RNF150: variants seen among roughly 807,000 people sequenced by gnomAD.
RNF150 encodes the protein ring finger protein 150.
Under a neutral mutation model 39.3 loss-of-function variants are expected in RNF150, and 24 were observed. The observed-to-expected ratio is 0.61, with a 90% CI of 0.44 to 0.86. The LOEUF is 0.86. RNF150 is among the 40% of genes least tolerant of loss of function. RNF150 has a pLI of 0.00. For synonymous variants in RNF150, 255 were observed against 227.3 expected, an observed-to-expected ratio of 1.12 and a Z score of -1.10; for missense variants, 502 against 587.8, an observed-to-expected ratio of 0.85 and a Z score of 1.51.
intron 1 of RNF150, among the ~76,000 whole-genome samples, chr4:141,079,409 T>G (rs901299019): frequency 1.3e-5 from 2 of 152,216 alleles, no homozygotes; most frequent in East Asian, 3.8e-4. Flanking sequence ...TTGAGAAGAA[T>G]ATATAGTGAT....
intron 4 of RNF150, among the ~76,000 whole-genome samples, chr4:140,936,440 T>G (rs1352305549): frequency 1.3e-5 from 2 of 152,180 alleles, no homozygotes; most frequent in African/African-American, 4.8e-5. Context: ...TAAAATTCTG[T>G]TCTTGGAAAA....
chr4:141,197,393 G>T (rs1728217981), intron 1 of RNF150, among the ~76,000 whole-genome samples: 1 of 152,108 alleles, frequency 6.6e-6, no homozygotes, highest in African/African-American at 2.4e-5. Flanking sequence ...TATGAGAGAA[G>T]ATAAATGGCA....
intron 1 of RNF150, among the ~76,000 whole-genome samples, chr4:141,126,942 A>G (rs757033575): frequency 5.9e-5 from 9 of 152,174 alleles, no homozygotes; most frequent in Non-Finnish European, 1.3e-4. Context: ...TTCTCCCATT[A>G]CGTAATAGAG....
intron 1 of RNF150, among the ~76,000 whole-genome samples, chr4:140,984,029 G>A (rs561247293): frequency 2.0e-5 from 3 of 152,120 alleles, no homozygotes; most frequent in East Asian, 3.9e-4. Context: ...TGTCAGCCCC[G>A]TGCCCAGCCG....
chr4:141,171,732 A>G (rs1006457991), intron 1 of RNF150, among the ~76,000 whole-genome samples: 2 of 152,194 alleles, frequency 1.3e-5, no homozygotes, highest in Non-Finnish European at 2.9e-5. Flanking sequence ...AGCACAACTG[A>G]ACTGAATTGA....
At chr4:140,887,438 C>T (rs779352828) in intron 6 of RNF150, among the ~76,000 whole-genome samples, 2 of 152,134 alleles carry the variant, frequency 1.3e-5, no homozygotes, top group Non-Finnish European at 2.9e-5. Flanking sequence ...TTATTCTTTC[C>T]CCACTAAGCT....
chr4:141,143,181 C>A (rs995583158), intron 1 of RNF150, among the ~76,000 whole-genome samples: 3 of 152,156 alleles, frequency 2.0e-5, no homozygotes, highest in African/African-American at 7.2e-5. Context: ...GGTATCTCAT[C>A]TTTAAACTGA....
At chr4:140,954,565 A>C (rs970903832) in intron 2 of RNF150, among the ~76,000 whole-genome samples, 9 of 152,186 alleles carry the variant, frequency 5.9e-5, no homozygotes, top group Non-Finnish European at 1.0e-4. Context: ...AATTAGGTTT[A>C]TCCATCTATT....
chr4:140,975,921 C>T (rs1733646672), intron 1 of RNF150, among the ~76,000 whole-genome samples: 1 of 152,178 alleles, frequency 6.6e-6, no homozygotes, highest in Admixed American at 6.6e-5. Flanking sequence ...CACTCAGATC[C>T]TCATTCGATC....
At chr4:141,190,915 C>A (rs188629098) in intron 1 of RNF150, among the ~76,000 whole-genome samples, 13 of 152,282 alleles carry the variant, frequency 8.5e-5, no homozygotes, top group Admixed American at 2.6e-4. Flanking sequence ...CAATTAAAAT[C>A]ATTTCAGTCC....
chr4:141,098,341 G>A (rs1036213513), intron 1 of RNF150, among the ~76,000 whole-genome samples: 14 of 152,220 alleles, frequency 9.2e-5, no homozygotes, highest in Non-Finnish European at 2.1e-4. Context: ...GCCTCCAAGT[G>A]CTAGGGCAGG....
At chr4:141,113,312 G>C (rs1020158541) in intron 1 of RNF150, among the ~76,000 whole-genome samples, 1 of 145,344 alleles carries the variant, frequency 6.9e-6, no homozygotes, top group Non-Finnish European at 1.5e-5. Flanking sequence ...TAAAGGGAGG[G>C]AGGAATATTT....
chr4:141,037,165 T>C (rs1280793543), intron 1 of RNF150, among the ~76,000 whole-genome samples: 1 of 152,220 alleles, frequency 6.6e-6, no homozygotes, highest in Non-Finnish European at 1.5e-5. Flanking sequence ...ATTCTGTTTC[T>C]TTTTAAAAAT....
chr4:141,082,474 G>A (rs2110982998), intron 1 of RNF150, among the ~76,000 whole-genome samples: 1 of 152,342 alleles, frequency 6.6e-6, no homozygotes, highest in Non-Finnish European at 1.5e-5. Context: ...ATGATTTTAT[G>A]ACAGTCCTCA....
chr4:140,983,854 C>A (rs1227633812), intron 1 of RNF150, among the ~76,000 whole-genome samples: 1 of 150,302 alleles, frequency 6.7e-6, no homozygotes, highest in Non-Finnish European at 1.5e-5. Context: ...ATTTTCGTGT[C>A]TCAGCCTCTC....
rs140100405 is a variant in RNF150, at chr4:140,868,258, G to A, written c.*3C>T. ...CTATCTCTTTGCTTCTGGATTTGTC[G>A]TTTCAAGATTTCACTTCTTCACAGT... On this transcript the variant is annotated 3_prime_UTR_variant, in exon 7 of 7. Transcript: ENST00000515673. 3,019 of 1,532,310 alleles carry A rather than the reference G, an allele frequency of 2.0e-3. 7 individuals carry two copies. The highest frequency in any genetic ancestry group is 3.1e-3 in the Middle Eastern group (18 of 5,872). The allele number at this position is 1,532,310 out of a possible 1,614,324, so 94.9% of individuals were successfully genotyped here. A position where few individuals can be genotyped will look rare whatever the true frequency, so the allele number is the denominator to read the frequency against.
chr4:140,881,969 G>C (rs1052898743), intron 6 of RNF150, among the ~76,000 whole-genome samples: 4 of 151,980 alleles, frequency 2.6e-5, no homozygotes, highest in African/African-American at 7.2e-5. Context: ...ACTGTGGTTG[G>C]AAAAGATATT....
chr4:141,052,128 C>T (rs772997914), intron 1 of RNF150, among the ~76,000 whole-genome samples: 1 of 151,988 alleles, frequency 6.6e-6, no homozygotes, highest in Non-Finnish European at 1.5e-5. Flanking sequence ...AAAAGACCCA[C>T]CCCTCATAAT....
chr4:140,939,797 C>T (rs1230832063), intron 4 of RNF150, among the ~76,000 whole-genome samples: 1 of 152,086 alleles, frequency 6.6e-6, no homozygotes, highest in Non-Finnish European at 1.5e-5. Flanking sequence ...TAAATGCAAA[C>T]AAATACATAT....
Sources: allele counts gnomAD v4.1 joint callset (sites outside exome capture counted in the v4.1 genomes callset), GRCh38; gene constraint gnomAD v4.1.1; transcripts MANE v1.5; gene names NCBI Gene and HGNC (gene_info 2026-07-23, HGNC 2026-07-21).